The following PTCHD4 variants were observed in gnomAD, a reference collection of about 807,000 sequenced individuals.
PTCHD4 encodes the protein patched domain-containing protein 4.
In PTCHD4, 33 loss-of-function variants were observed where a neutral mutation model predicts 58.1. The observed-to-expected ratio is 0.57, with a 90% CI of 0.43 to 0.76. PTCHD4 has a LOEUF of 0.76. PTCHD4 is among the 30% of genes least tolerant of loss of function. The pLI is 0.00. For missense variants in PTCHD4, 1,058 were observed against 1,027.1 expected, an observed-to-expected ratio of 1.03 and a Z score of -0.41; for synonymous variants, 478 against 409.6, an observed-to-expected ratio of 1.17 and a Z score of -2.02.
At chr6:47,913,552 A>T (rs899486017) in intron 4 of PTCHD4, among the ~76,000 whole-genome samples, 11 of 152,110 alleles carry the variant, frequency 7.2e-5, no homozygotes, top group Admixed American at 4.6e-4. Context: ...GCTTAATAAG[A>T]TAAAGTCATT....
intron 1 of PTCHD4, among the ~76,000 whole-genome samples, chr6:48,094,327 T>C (rs982521487): frequency 2.0e-5 from 3 of 152,180 alleles, no homozygotes; most frequent in Non-Finnish European, 4.4e-5. Context: ...TCACGAGTGG[T>C]AACGATGAGA....
chr6:48,008,938 A>G lies in PTCHD4; in HGVS notation c.594T>C (p.Leu198=). ...GATGCTCCTCCTGGAGCTTCCTTAT[A>G]AGCTTACAGAACTCATTCTCCCACT... ...GEKWENEFCK[L]IRKLQEEHQE... Residue 198 remains leucine, a synonymous_variant, in exon 4 of 5, where the codon CTT becomes CTC. Coordinates refer to ENST00000339488, the MANE Select transcript of PTCHD4 (RefSeq NM_001384253.1). The G allele has an allele frequency of 5.6e-6, 9 of 1,613,918 alleles. No homozygotes were observed. Among genetic ancestry groups the G allele is most frequent in the Non-Finnish European group, 7.6e-6 (9 of 1,179,856 alleles).
chr6:48,069,972 T>C (rs976218156), intron 1 of PTCHD4, among the ~76,000 whole-genome samples, 46 bp from the exon 2 acceptor site: 2 of 151,178 alleles, frequency 1.3e-5, no homozygotes, highest in African/African-American at 4.9e-5. Context: ...CCTATTGGAG[T>C]CACTTGTAAA....
At chr6:47,963,812 A>G (rs564160289) in intron 4 of PTCHD4, among the ~76,000 whole-genome samples, 1 of 152,338 alleles carries the variant, frequency 6.6e-6, no homozygotes, top group Admixed American at 6.5e-5. Flanking sequence ...CATACTTCCT[A>G]GAAAATAAAA....
At chr6:48,015,057 AAACCTC>A (rs1762820683) in intron 3 of PTCHD4, among the ~76,000 whole-genome samples, 1 of 152,110 alleles carries the variant, frequency 6.6e-6, no homozygotes, top group African/African-American at 2.4e-5. Context: ...TTTTCCCCAA[AAACCTC>A]CTACAAAAGT....
At position 47,879,211 on chromosome 6, in the gene PTCHD4, A is replaced by G; in HGVS notation, c.1624T>C (p.Phe542Leu). 6.8e-6 allele frequency: 11 copies of G among 1,612,978 alleles called. No individual in the cohort carries two copies. Among genetic ancestry groups the G allele is most frequent in the South Asian group, 4.4e-5 (4 of 91,036 alleles). Residue 542 changes from phenylalanine to leucine, a missense_variant, in exon 5 of 5, where the codon TTC becomes CTC. By Grantham distance (22) the Phe-to-Leu change is conservative. Transcript: ENST00000339488. ...QDDLRRLCSG[F>L]TAVSWVEQYY... The stretch of plus-strand genomic sequence containing the variant: ...TGCTCCACCCAGGACACTGCAGTGA[A>G]TCCACTACAGAGTCTTCTTAGGTCA...
At chr6:47,907,182 A>G (rs1323460030) in intron 4 of PTCHD4, among the ~76,000 whole-genome samples, 3 of 152,200 alleles carry the variant, frequency 2.0e-5, no homozygotes, top group Admixed American at 1.3e-4. Context: ...GAACAGAGAA[A>G]ACTTTTCTCA....
chr6:48,039,725 T>C (rs142089822), intron 3 of PTCHD4, among the ~76,000 whole-genome samples: 32 of 152,232 alleles, frequency 2.1e-4, no homozygotes, highest in East Asian at 1.5e-3. Context: ...TGTAATAATA[T>C]GTGGACTTAG....
intron 4 of PTCHD4, among the ~76,000 whole-genome samples, chr6:47,880,531 T>TAA (rs66857220): frequency 6.6e-6 from 1 of 150,810 alleles, no homozygotes; most frequent in African/African-American, 2.4e-5. Context: ...TGTGAGTTTT[T>TAA]AAAAAAAAAA....
chr6:48,000,491 C>A (rs571789063), intron 4 of PTCHD4, among the ~76,000 whole-genome samples: 1 of 152,078 alleles, frequency 6.6e-6, no homozygotes, highest in African/African-American at 2.4e-5. Context: ...TTCAAGTGGG[C>A]GTTTAGAGAT....
intron 4 of PTCHD4, chr6:47,900,382 G>A (rs1332543967): frequency 6.6e-6 from 1 of 152,148 alleles, no homozygotes; most frequent in Non-Finnish European, 1.5e-5. Flanking sequence ...ATTATTTTGA[G>A]CATTTTAAAT....
intron 4 of PTCHD4, among the ~76,000 whole-genome samples, chr6:47,904,732 C>A (rs1327489019): frequency 6.6e-6 from 1 of 152,128 alleles, no homozygotes; most frequent in East Asian, 1.9e-4. Context: ...ATCATTCATA[C>A]ATTCACTCAA....
intron 1 of PTCHD4, among the ~76,000 whole-genome samples, chr6:48,070,393 CT>C (rs1764955599): frequency 6.6e-6 from 1 of 152,120 alleles, no homozygotes; most frequent in Non-Finnish European, 1.5e-5. Flanking sequence ...TAATATATAC[CT>C]TTTATTTTTT....
chr6:48,003,964 C>A (rs1768844291), intron 4 of PTCHD4, among the ~76,000 whole-genome samples: 1 of 152,134 alleles, frequency 6.6e-6, no homozygotes, highest in Non-Finnish European at 1.5e-5. Flanking sequence ...TTTATCTGAC[C>A]ACTTATGTTC....
Position 48,068,611 on chromosome 6 carries a change from C to T in PTCHD4, c.36G>A (p.Trp12Ter), listed in dbSNP as rs1281451806. ...GAAGCACCTGCCGCAGCATCCTCCA[C>T]CAGATCCAGCTCGCAGGCGCTCCCG... ...RRPGAPASWI[W>*]WRMLRQVLRR... The change falls in exon 3 of 5, where the codon TGG (tryptophan) becomes TGA (stop). Residue 12 changes from tryptophan (W) to a stop codon, truncating the protein, a stop_gained. Transcript: ENST00000339488. LOFTEE classifies it high-confidence loss of function. The surrounding 1 kb of genome is among the most constrained non-coding windows in gnomAD (Gnocchi z 4.2). 1.9e-6 allele frequency: 3 copies of T among 1,572,790 alleles called. No individual in the cohort carries two copies. The highest frequency in any genetic ancestry group is 2.7e-5 in the African/African-American group (2 of 74,098).
intron 4 of PTCHD4, among the ~76,000 whole-genome samples, chr6:47,959,404 A>C (rs773050228): frequency 6.6e-6 from 1 of 152,236 alleles, no homozygotes; most frequent in Non-Finnish European, 1.5e-5. Context: ...AAATGCTTAA[A>C]AAGGAACCCT....
chr6:48,106,662 G>T (rs895349497), intron 1 of PTCHD4, among the ~76,000 whole-genome samples: 1 of 152,160 alleles, frequency 6.6e-6, no homozygotes, highest in Non-Finnish European at 1.5e-5. Context: ...AAGTCAAATT[G>T]TTCCTGTTTG....
intron 3 of PTCHD4, among the ~76,000 whole-genome samples, chr6:48,040,993 T>TAA (rs1252559096): frequency 2.0e-5 from 3 of 152,102 alleles, no homozygotes; most frequent in Admixed American, 2.0e-4. Context: ...ATTATATATA[T>TAA]AATCCATGGT....
chr6:47,891,014 C>T (rs1328118183), intron 4 of PTCHD4: 2 of 219,904 alleles, frequency 9.1e-6, no homozygotes, highest in African/African-American at 4.9e-5. Context: ...TTGAGACCAG[C>T]TTGGCCAACA....
Sources: gnomAD v4.1 joint callset for allele counts (sites outside exome capture counted in the v4.1 genomes callset) on GRCh38, gnomAD v4.1.1 for gene constraint, Gnocchi (gnomAD v3.1) non-coding constraint, MANE v1.5 for transcripts, NCBI Gene and HGNC (gene_info 2026-07-23, HGNC 2026-07-21) for gene names.